KIAA0825: variants seen among roughly 807,000 people sequenced by gnomAD.
The protein encoded by KIAA0825 is uncharacterized protein KIAA0825.
A neutral mutation model predicts 147.6 loss-of-function variants in KIAA0825; 119 were observed. The observed-to-expected ratio is 0.81, with a 90% CI of 0.69 to 0.94. KIAA0825 has a LOEUF of 0.94. KIAA0825 is among the 40% of genes least tolerant of loss of function. KIAA0825 has a pLI of 0.00. For synonymous variants in KIAA0825, 470 were observed against 518.1 expected (o/e 0.91, Z 1.26); for missense variants, 1,381 against 1,472.7 (o/e 0.94, Z 1.02).
intron 20 of KIAA0825, among the ~76,000 whole-genome samples, chr5:94,364,507 G>A (rs941836692): frequency 5.9e-5 from 9 of 151,636 alleles, no homozygotes; most frequent in Non-Finnish European, 1.0e-4. Flanking sequence ...TCAGCCTCCC[G>A]AGTAGCTGGG....
At chr5:94,428,852 C>A (rs983968065) in intron 14 of KIAA0825, among the ~76,000 whole-genome samples, 1 of 152,100 alleles carries the variant, frequency 6.6e-6, no homozygotes, top group African/African-American at 2.4e-5. Flanking sequence ...GACTTGGTCA[C>A]TTTACATAGT....
intron 20 of KIAA0825, among the ~76,000 whole-genome samples, chr5:94,262,781 A>G (rs1341589864): frequency 6.6e-6 from 1 of 151,172 alleles, no homozygotes; most frequent in African/African-American, 2.4e-5. Context: ...ATTGATGGAA[A>G]TGGTGATGAA....
chr5:94,594,729 TCAA>T, intron 1 of KIAA0825: 1 of 633,450 alleles, frequency 1.6e-6, no homozygotes, highest in South Asian at 1.4e-5. Context: ...TATGGCACTG[TCAA>T]CAAAGGATGC....
chr5:94,532,186 T>C (rs1295486801), intron 3 of KIAA0825, among the ~76,000 whole-genome samples: 1 of 152,200 alleles, frequency 6.6e-6, no homozygotes, highest in Non-Finnish European at 1.5e-5. Context: ...CTCACATTGT[T>C]GCCCAGGCGG....
At chr5:94,479,405 C>T (rs1414810606) in intron 6 of KIAA0825, among the ~76,000 whole-genome samples, 3 of 152,098 alleles carry the variant, frequency 2.0e-5, no homozygotes, top group African/African-American at 7.2e-5. Context: ...AAGGTTCCTC[C>T]ATGTCTCTTA....
Position 94,320,548 on chromosome 5 carries a change from C to T in KIAA0825, c.3710+63820G>A, listed in dbSNP as rs80308751. 7.5e-4 allele frequency among the ~76,000 whole-genome samples: 114 copies of T among 151,852 alleles called. 1 individual carries two copies. The East Asian group carries it at 0.017, about 23-fold the overall frequency. The stretch of plus-strand genomic sequence containing the variant: ...GCTTCTGGTATGTTATTCTACTCTA[C>T]GCCTCCTTGACATCAACATTATGTT... On this transcript the variant is annotated intron_variant, in intron 20 of 20. Coordinates refer to ENST00000682413, the MANE Select transcript of KIAA0825 (RefSeq NM_001145678.3).
At chr5:94,540,003 C>A (rs1772961532) in intron 2 of KIAA0825, among the ~76,000 whole-genome samples, 1 of 152,116 alleles carries the variant, frequency 6.6e-6, no homozygotes, top group Non-Finnish European at 1.5e-5. Context: ...GCTGATGGAA[C>A]TGCTGGAAAA....
At chr5:94,186,477 TAATA>T (rs970161215) in intron 20 of KIAA0825, among the ~76,000 whole-genome samples, 7 of 152,210 alleles carry the variant, frequency 4.6e-5, no homozygotes, top group Non-Finnish European at 5.9e-5. Context: ...GGATATGTGA[TAATA>T]AATAAGTCAA....
At chr5:94,535,355 C>A (rs1438692675) in intron 3 of KIAA0825, among the ~76,000 whole-genome samples, 1 of 151,850 alleles carries the variant, frequency 6.6e-6, no homozygotes, top group African/African-American at 2.4e-5. Context: ...ACCAAAAATA[C>A]AAAAATTAGC....
chr5:94,476,923 A>G (rs1461899593), intron 7 of KIAA0825, among the ~76,000 whole-genome samples, 188 bp downstream of exon 7: 1 of 152,094 alleles, frequency 6.6e-6, no homozygotes, highest in Non-Finnish European at 1.5e-5. Flanking sequence ...TAGATTTTAT[A>G]TGAAGACAGC....
chr5:94,316,486 A>G (rs1266357507), intron 20 of KIAA0825, among the ~76,000 whole-genome samples: 8 of 151,622 alleles, frequency 5.3e-5, no homozygotes, highest in African/African-American at 1.7e-4. Flanking sequence ...TATATTTCCA[A>G]TCTACTTCAT....
At chr5:94,159,818 T>G (rs2149914508) in intron 20 of KIAA0825, among the ~76,000 whole-genome samples, 1 of 152,318 alleles carries the variant, frequency 6.6e-6, no homozygotes, top group East Asian at 1.9e-4. Context: ...AATAAAATAC[T>G]TGAATATAAA....
intron 2 of KIAA0825, among the ~76,000 whole-genome samples, chr5:94,563,150 G>T (rs1777855925): frequency 6.6e-6 from 1 of 151,198 alleles, no homozygotes; most frequent in South Asian, 2.1e-4. Context: ...GACCGTCCTG[G>T]CTAACACGGT....
intron 14 of KIAA0825, among the ~76,000 whole-genome samples, chr5:94,428,825 G>A (rs973906911): frequency 6.6e-6 from 1 of 152,004 alleles, no homozygotes; most frequent in African/African-American, 2.4e-5. Flanking sequence ...TCTCTCTCAG[G>A]ATGCCAATAA....
At chr5:94,350,969 C>A (rs1783599456) in intron 20 of KIAA0825, among the ~76,000 whole-genome samples, 1 of 151,678 alleles carries the variant, frequency 6.6e-6, no homozygotes, top group African/African-American at 2.4e-5. Context: ...TCACTGCAAC[C>A]TCTGCCTCCC....
At chr5:94,277,813 A>G (rs998859726) in intron 20 of KIAA0825, among the ~76,000 whole-genome samples, 2 of 152,208 alleles carry the variant, frequency 1.3e-5, no homozygotes, top group African/African-American at 2.4e-5. Context: ...ACACATGCAC[A>G]TGGATGTTTA....
At position 94,593,604 on chromosome 5, in the gene KIAA0825, A is replaced by G. The variant is rs1561367698; in HGVS notation, c.-152-11021T>C. Reference sequence around the variant, plus strand: ...TTAAATCAACTATGTTATTGATGTCAGAGGAGCTAACCAACGAGTAAGCCC... The same window carrying G: ...TTAAATCAACTATGTTATTGATGTCGGAGGAGCTAACCAACGAGTAAGCCC... On this transcript the variant is annotated intron_variant, in intron 1 of 20. Transcript: ENST00000682413. 1.2e-5 allele frequency: 6 copies of G among 514,738 alleles called. No individual in the cohort carries two copies. In the East Asian group the frequency reaches 2.1e-4, roughly 18 times the overall value. The allele number at this position is 514,738 out of a possible 1,614,324, so 31.9% of individuals were successfully genotyped here. A position where few individuals can be genotyped will look rare whatever the true frequency, so the allele number is the denominator to read the frequency against.
At chr5:94,407,599 C>T (rs1221504602) in intron 15 of KIAA0825, among the ~76,000 whole-genome samples, 1 of 152,114 alleles carries the variant, frequency 6.6e-6, no homozygotes, top group Non-Finnish European at 1.5e-5. Flanking sequence ...ACAAAATGCA[C>T]ATACTGCATG....
At chr5:94,340,968 T>G (rs1015317970) in intron 20 of KIAA0825, among the ~76,000 whole-genome samples, 4 of 152,198 alleles carry the variant, frequency 2.6e-5, no homozygotes, top group Admixed American at 2.6e-4. Flanking sequence ...TACCTTCCAT[T>G]CTTTCTAAGC....
Sources: gnomAD v4.1 joint callset for allele counts (sites outside exome capture counted in the v4.1 genomes callset) on GRCh38, gnomAD v4.1.1 for gene constraint, MANE v1.5 for transcripts, NCBI Gene and HGNC (gene_info 2026-07-23, HGNC 2026-07-21) for gene names.